PELI2: variants seen among roughly 807,000 people sequenced by gnomAD.
PELI2 encodes E3 ubiquitin-protein ligase pellino homolog 2.
Under a neutral mutation model 42.3 loss-of-function variants are expected in PELI2, and 23 were observed. That is an observed-to-expected ratio of 0.54 (90% confidence interval 0.39 to 0.77). The LOEUF (loss-of-function observed/expected upper bound fraction) is 0.77. Ranked by LOEUF, PELI2 falls within the 30% of genes least tolerant of loss-of-function variation. PELI2 has a pLI of 0.00. For synonymous variants in PELI2, 245 were observed against 212.2 expected (o/e 1.15, Z -1.34); for missense variants, 463 against 553.2 (o/e 0.84, Z 1.64).
chr14:56,229,759 G>C (rs1887491887), intron 2 of PELI2, among the ~76,000 whole-genome samples: 1 of 152,184 alleles, frequency 6.6e-6, no homozygotes, highest in Admixed American at 6.5e-5. Flanking sequence ...TTCACGAGTT[G>C]ACAGAAGTGG....
chr14:56,179,894 G>A (rs564122202), intron 2 of PELI2, among the ~76,000 whole-genome samples: 5 of 151,998 alleles, frequency 3.3e-5, no homozygotes, highest in Non-Finnish European at 5.9e-5. Context: ...TCTTGGGTTC[G>A]TGTTAATACA....
chr14:56,293,925 G>C (rs932636273), intron 5 of PELI2, among the ~76,000 whole-genome samples: 5 of 152,170 alleles, frequency 3.3e-5, no homozygotes, highest in African/African-American at 1.2e-4. Context: ...ACATCAGGGT[G>C]ATCCTTTAGA....
rs1284902791 is a variant in PELI2, at chr14:56,119,871, A to C, written c.77+1134A>C. ...ATCCTCGGCGCTGATAGGTAGGCTT[A>C]GCACACATATGAGGAGTCATGGCTG... is the stretch of plus-strand genomic sequence containing the variant. On this transcript the variant is annotated intron_variant, in intron 1 of 5. Transcript: ENST00000267460. 3 of 983,976 alleles carry C rather than the reference A, an allele frequency of 3.0e-6. No homozygotes were observed. The African/African-American group carries it at 5.2e-5, about 17-fold the overall frequency. The allele number at this position is 983,976 out of a possible 1,614,324, so 61.0% of individuals were successfully genotyped here. A position where few individuals can be genotyped will look rare whatever the true frequency, so the allele number is the denominator to read the frequency against.
intron 2 of PELI2, among the ~76,000 whole-genome samples, chr14:56,262,298 C>T (rs1255100510): frequency 6.6e-6 from 1 of 152,114 alleles, no homozygotes; most frequent in African/African-American, 2.4e-5. Context: ...AACATTTTAC[C>T]TACTGCATGG....
intron 2 of PELI2, among the ~76,000 whole-genome samples, chr14:56,196,247 C>T (rs1886126797): frequency 6.6e-6 from 1 of 152,008 alleles, no homozygotes; most frequent in Non-Finnish European, 1.5e-5. Flanking sequence ...AGCATGTTTT[C>T]GTTTTGTTTT....
chr14:56,246,992 C>G (rs960995698), intron 2 of PELI2, among the ~76,000 whole-genome samples: 1 of 152,182 alleles, frequency 6.6e-6, no homozygotes, highest in Non-Finnish European at 1.5e-5. Context: ...TACCTTTTTA[C>G]GTTGTTGGTC....
chr14:56,296,125 G>C (rs1344963245), intron 5 of PELI2, among the ~76,000 whole-genome samples: 1 of 152,216 alleles, frequency 6.6e-6, no homozygotes, highest in African/African-American at 2.4e-5. Context: ...GGAAGCTAAG[G>C]GTCACCAGGA....
intron 3 of PELI2, among the ~76,000 whole-genome samples, chr14:56,281,060 C>G (rs541018800): frequency 9.2e-5 from 14 of 152,086 alleles, no homozygotes; most frequent in Non-Finnish European, 1.8e-4. Context: ...GAATTGGTCC[C>G]CCTGGTGGGA....
chr14:56,207,347 A>G (rs1246395850), intron 2 of PELI2, among the ~76,000 whole-genome samples: 2 of 152,158 alleles, frequency 1.3e-5, no homozygotes, highest in Non-Finnish European at 1.5e-5. Flanking sequence ...TATATTATTT[A>G]ATTGCTCCAA....
chr14:56,153,820 G>C (rs898635749), intron 1 of PELI2, among the ~76,000 whole-genome samples: 1 of 152,170 alleles, frequency 6.6e-6, no homozygotes, highest in Non-Finnish European at 1.5e-5. Context: ...GAGATAATGT[G>C]TGGATTAGTG....
chr14:56,140,717 G>C (rs926249825), intron 1 of PELI2, among the ~76,000 whole-genome samples: 7 of 152,158 alleles, frequency 4.6e-5, no homozygotes, highest in African/African-American at 1.7e-4. Context: ...TTATCCCAAG[G>C]ACTTAATAGT....
intron 2 of PELI2, among the ~76,000 whole-genome samples, chr14:56,196,734 A>G (rs544596506): frequency 6.6e-6 from 1 of 152,340 alleles, no homozygotes; most frequent in East Asian, 1.9e-4. Flanking sequence ...ATTTCCTGAC[A>G]TTTATTAACT....
intron 1 of PELI2, among the ~76,000 whole-genome samples, chr14:56,143,160 T>C (rs1343387985): frequency 2.0e-5 from 3 of 152,238 alleles, no homozygotes; most frequent in Non-Finnish European, 4.4e-5. Context: ...ACCATGACTC[T>C]TTTGTTGAGT....
chr14:56,140,205 C>T (rs527770298), intron 1 of PELI2, among the ~76,000 whole-genome samples: 1 of 152,126 alleles, frequency 6.6e-6, no homozygotes, highest in South Asian at 2.1e-4. Context: ...AATTGATGCA[C>T]ACTTCTCATG....
chr14:56,204,208 G>A (rs79494021), intron 2 of PELI2, among the ~76,000 whole-genome samples: 2 of 152,114 alleles, frequency 1.3e-5, no homozygotes, highest in Non-Finnish European at 2.9e-5. Context: ...CTCAAAGTTG[G>A]TGAATACTTG....
At position 56,298,114 on chromosome 14, in the gene PELI2, T is replaced by C. The variant is rs1413050780; in HGVS notation, c.*948T>C. The C allele has an allele frequency of 6.6e-6, 1 of 152,356 alleles. No homozygotes were observed. The highest frequency in any genetic ancestry group is 1.5e-5 in the Non-Finnish European group (1 of 67,990). 9.4% of individuals were successfully genotyped at this position (152,356 alleles called of 1,614,324 possible). On this transcript the variant is annotated 3_prime_UTR_variant, in exon 6 of 6. Coordinates refer to ENST00000267460, the MANE Select transcript of PELI2 (RefSeq NM_021255.3). The stretch of plus-strand genomic sequence containing the variant: ...TCATAAAGCTTGGGGTTTTTTTTTT[T>C]CCTTTGTTAAGAAAGCCAACCAATC...
At position 56,290,358 on chromosome 14, in the gene PELI2, A is replaced by G; in HGVS notation, c.598A>G (p.Thr200Ala). Residue 200 changes from threonine (T) to alanine (A), a missense_variant, in exon 5 of 6, where the codon ACC becomes GCC. Around this residue, in one of 3 missense-constraint regions of PELI2, gnomAD observed 343 missense variants for 378.4 expected, o/e 0.91. Coordinates refer to ENST00000267460, the MANE Select transcript of PELI2 (RefSeq NM_021255.3). ...GGTGATGCATCCACGAGGGGGCTTC[A>G]CCGAGGAGTCCCAGCCCGGGGTCTG... ...VLVMHPRGGFTEESQPGVWRE... is the reference protein window; with the variant it reads ...VLVMHPRGGFAEESQPGVWRE... The G allele has an allele frequency of 6.2e-7, 1 of 1,613,774 alleles. No homozygotes were observed. The highest frequency in any genetic ancestry group is 8.5e-7 in the Non-Finnish European group (1 of 1,179,730).
chr14:56,294,527 C>A (rs1889935661), intron 5 of PELI2, among the ~76,000 whole-genome samples: 1 of 152,198 alleles, frequency 6.6e-6, no homozygotes, highest in African/African-American at 2.4e-5. Context: ...GTCCTTTGAA[C>A]CAAAGATTGA....
At chr14:56,272,679 A>G (rs145318803) in intron 2 of PELI2, among the ~76,000 whole-genome samples, 137 of 152,372 alleles carry the variant, frequency 9.0e-4, no homozygotes, top group Middle Eastern at 3.4e-3. Flanking sequence ...CATTTTAAAT[A>G]TTAATACAAA....
Sources: gnomAD v4.1 joint callset for allele counts (sites outside exome capture counted in the v4.1 genomes callset) on GRCh38, gnomAD v4.1.1 for gene constraint, gnomAD v4.1.1 regional missense constraint, MANE v1.5 for transcripts, NCBI Gene and HGNC (gene_info 2026-07-23, HGNC 2026-07-21) for gene names.